CPAMD8: variants seen among roughly 807,000 people sequenced by gnomAD.
The protein encoded by CPAMD8 is C3 and PZP-like alpha-2-macroglobulin domain-containing protein 8.
CPAMD8 carries 146 observed loss-of-function variants against 224.7 expected under a neutral mutation model. That is an observed-to-expected ratio of 0.65 (90% confidence interval 0.57 to 0.75). The LOEUF (loss-of-function observed/expected upper bound fraction) is 0.75, where lower values mean the gene tolerates loss of function less well. Among genes scored for constraint, CPAMD8 ranks in the 30% least tolerant of loss-of-function variants. The pLI, the probability that CPAMD8 is intolerant of heterozygous loss-of-function variation, is 0.00. For missense variants in CPAMD8, 2,301 were observed against 2,537.5 expected, an observed-to-expected ratio of 0.91 and a Z score of 2.00; for synonymous variants, 966 against 1,044.6, an observed-to-expected ratio of 0.92 and a Z score of 1.45.
chr19:16,997,343 A>C lies in CPAMD8; in HGVS notation c.868-5T>G, dbSNP rs552163714. 37 of 1,546,194 alleles carry C rather than the reference A, an allele frequency of 2.4e-5. No homozygotes were observed. In the South Asian group the frequency reaches 4.3e-4, roughly 18 times the overall value. ...GAAGTCCCGGGAGCCGAGGATCTGG[A>C]GGGAGGAAAAACACAGCCCGTGCTC... On this transcript the variant is annotated splice_polypyrimidine_tract_variant and splice_region_variant and intron_variant, in intron 10 of 41. Transcript: ENST00000443236.
At chr19:16,910,094 C>T (rs1398443732) in intron 29 of CPAMD8, among the ~76,000 whole-genome samples, 14 of 151,874 alleles carry the variant, frequency 9.2e-5, no homozygotes, top group African/African-American at 1.7e-4. Context: ...CCATGTGATC[C>T]ACCTGCCTCA....
At chr19:16,894,557 T>C in intron 41 of CPAMD8, 1 of 443,778 alleles carries the variant, frequency 2.3e-6, no homozygotes, top group Admixed American at 2.4e-5. Flanking sequence ...CTCATTTAGA[T>C]GGCAGAACCC....
chr19:16,984,908 T>A lies in CPAMD8; in HGVS notation c.1396-4222A>T, dbSNP rs564352530. On this transcript the variant is annotated intron_variant, in intron 13 of 41. Transcript: ENST00000443236. Reference sequence around the variant, plus strand: ...ACACAAATGCACATGCACACTCATGTGTAGTCACACATGTGTGATACAATC... The same window carrying A: ...ACACAAATGCACATGCACACTCATGAGTAGTCACACATGTGTGATACAATC... Among the ~76,000 whole-genome samples, 14 of 152,332 alleles carry A rather than the reference T, an allele frequency of 9.2e-5. No homozygotes were observed. In the South Asian group the frequency reaches 2.9e-3, roughly 32 times the overall value.
At chr19:16,945,874 C>T (rs1488999115) in intron 21 of CPAMD8, among the ~76,000 whole-genome samples, 195 bp from the exon 22 acceptor site, 2 of 151,844 alleles carry the variant, frequency 1.3e-5, no homozygotes, top group Non-Finnish European at 2.9e-5. Flanking sequence ...AATGTACAGG[C>T]TCATGTGTGC....
intron 24 of CPAMD8, among the ~76,000 whole-genome samples, chr19:16,928,609 T>G (rs546179485): frequency 6.6e-6 from 1 of 152,206 alleles, no homozygotes; most frequent in Admixed American, 6.5e-5. Context: ...CTTCCTGTGT[T>G]GGGAAGCTGT....
At chr19:16,955,870 C>A (rs544279300) in intron 19 of CPAMD8, among the ~76,000 whole-genome samples, 24 of 151,760 alleles carry the variant, frequency 1.6e-4, no homozygotes, top group Admixed American at 8.5e-4. Flanking sequence ...AGAGATGGGG[C>A]CTTGCTATGT....
intron 18 of CPAMD8, among the ~76,000 whole-genome samples, chr19:16,959,560 A>C (rs1331511843): frequency 6.9e-6 from 1 of 145,774 alleles, no homozygotes; most frequent in Non-Finnish European, 1.5e-5. Context: ...TTTTTTTTCG[A>C]GATGGAGTCT....
chr19:16,949,504 A>T (rs1232371369), intron 20 of CPAMD8, among the ~76,000 whole-genome samples: 2 of 152,116 alleles, frequency 1.3e-5, no homozygotes. Flanking sequence ...GGGCACCACT[A>T]CCTGGCCATT....
At chr19:16,905,113 C>T (rs1383272079) in intron 30 of CPAMD8, among the ~76,000 whole-genome samples, 1 of 151,724 alleles carries the variant, frequency 6.6e-6, no homozygotes, top group Non-Finnish European at 1.5e-5. Flanking sequence ...TGGTGGTGCA[C>T]ACCTGTAATC....
intron 19 of CPAMD8, among the ~76,000 whole-genome samples, chr19:16,955,105 G>A (rs2054425643): frequency 1.3e-5 from 2 of 151,340 alleles, no homozygotes; most frequent in Admixed American, 6.6e-5. Flanking sequence ...TCCAGCCTGG[G>A]CAACAGAGCA....
intron 1 of CPAMD8, among the ~76,000 whole-genome samples, 188 bp downstream of exon 1, chr19:17,026,363 C>T (rs1286530686): frequency 6.6e-6 from 1 of 152,176 alleles, no homozygotes; most frequent in Non-Finnish European, 1.5e-5. Flanking sequence ...AGTCCCTGTA[C>T]CTCCACAGAG....
chr19:16,966,388 T>C (rs1451594558), intron 18 of CPAMD8, among the ~76,000 whole-genome samples: 2 of 152,130 alleles, frequency 1.3e-5, no homozygotes, highest in Admixed American at 1.3e-4. Flanking sequence ...CCATAAAAAC[T>C]GTAGAAGAAA....
intron 23 of CPAMD8, among the ~76,000 whole-genome samples, chr19:16,930,332 G>A (rs1235840163): frequency 6.6e-6 from 1 of 151,986 alleles, no homozygotes; most frequent in Non-Finnish European, 1.5e-5. Flanking sequence ...TAAAGTGACA[G>A]GAATCACCAC....
In CPAMD8 at chr19:16,947,075, C is replaced by G; in HGVS notation, c.2661G>C (p.Thr887=). Reference sequence around the variant, plus strand: ...CCCCAAGAACTGTGGGGTCCTCACCCGTGATGTTGTTGAGTCCCAGGTCGC... The same window carrying G: ...CCCCAAGAACTGTGGGGTCCTCACCGGTGATGTTGTTGAGTCCCAGGTCGC... The part of the protein sequence containing the change: ...SFSDLGLNNI[T]AKALAYGDTN... Residue 887 remains threonine (T), a splice_region_variant and synonymous_variant, in exon 21 of 42, where the codon ACG becomes ACC. Coordinates refer to ENST00000443236, the MANE Select transcript of CPAMD8 (RefSeq NM_015692.5). 6.2e-7 allele frequency: 1 copy of G among 1,604,550 alleles called. No homozygotes were observed. The highest frequency in any genetic ancestry group is 8.5e-7 in the Non-Finnish European group (1 of 1,174,678).
rs2056792290 is a variant in CPAMD8 at position 17,015,670 on chromosome 19, C to G, written c.268-3913G>C. Reference sequence around the variant, plus strand: ...CACCCACTACTCCAATCCCAAAATCCTCACCTGGCCCTGTTTCTGGAAATA... The same window carrying G: ...CACCCACTACTCCAATCCCAAAATCGTCACCTGGCCCTGTTTCTGGAAATA... On this transcript the variant is annotated intron_variant, in intron 3 of 41. Transcript: ENST00000443236. Among the ~76,000 whole-genome samples the G allele has an allele frequency of 1.3e-5, 2 of 152,280 alleles. 1 individual carries two copies. Among genetic ancestry groups the G allele is most frequent in the South Asian group, 4.1e-4 (2 of 4,826 alleles).
intron 20 of CPAMD8, among the ~76,000 whole-genome samples, chr19:16,947,673 G>A (rs910471352): frequency 1.3e-4 from 19 of 151,724 alleles, no homozygotes; most frequent in African/African-American, 4.4e-4. Flanking sequence ...GTGTGTGCAC[G>A]TGTGTGTTTA....
chr19:16,909,695 G>C (rs1475090029), intron 29 of CPAMD8, among the ~76,000 whole-genome samples: 3 of 151,482 alleles, frequency 2.0e-5, no homozygotes, highest in Non-Finnish European at 4.4e-5. Context: ...AGTGAACTGA[G>C]ATCGCTCCAT....
intron 10 of CPAMD8, among the ~76,000 whole-genome samples, chr19:16,997,584 C>T (rs2056173250): frequency 6.6e-6 from 1 of 152,090 alleles, no homozygotes. Flanking sequence ...GGTGCGGTGG[C>T]TCACGCCTGT....
At chr19:17,021,215 G>T (rs1034887061) in intron 2 of CPAMD8, among the ~76,000 whole-genome samples, 17 of 152,208 alleles carry the variant, frequency 1.1e-4, no homozygotes, top group African/African-American at 4.1e-4. Flanking sequence ...GGAGAAGCTG[G>T]CCAGCAATAC....
Sources: gnomAD v4.1 joint callset for allele counts (sites outside exome capture counted in the v4.1 genomes callset) on GRCh38, gnomAD v4.1.1 for gene constraint, MANE v1.5 for transcripts, NCBI Gene and HGNC (gene_info 2026-07-23, HGNC 2026-07-21) for gene names.